The following CNTNAP2 variants were observed in gnomAD, a reference collection of about 807,000 sequenced individuals.
CNTNAP2 encodes the protein contactin-associated protein-like 2.
CNTNAP2 carries 98 observed loss-of-function variants against 155.2 expected under a neutral mutation model. That is an observed-to-expected ratio of 0.63 (90% CI 0.54 to 0.75). The LOEUF is 0.75. Among genes scored for constraint, CNTNAP2 ranks in the 30% least tolerant of loss-of-function variants. The pLI, the probability that CNTNAP2 is intolerant of heterozygous loss-of-function variation, is 0.00. For synonymous variants in CNTNAP2, 651 were observed against 631.2 expected (o/e 1.03, Z -0.47); for missense variants, 1,727 against 1,688.1 (o/e 1.02, Z -0.40).
intron 21 of CNTNAP2, among the ~76,000 whole-genome samples, chr7:148,277,058 C>T (rs1796881638): frequency 6.6e-6 from 1 of 152,152 alleles, no homozygotes; most frequent in Non-Finnish European, 1.5e-5. Flanking sequence ...CTCGAAGAGC[C>T]TTTCCCGTCC....
At chr7:146,332,515 T>A (rs895289821) in intron 1 of CNTNAP2, among the ~76,000 whole-genome samples, 1 of 152,202 alleles carries the variant, frequency 6.6e-6, no homozygotes. Flanking sequence ...ATTTCTGATT[T>A]ATTTATCTAG....
intron 11 of CNTNAP2, among the ~76,000 whole-genome samples, chr7:147,524,338 C>T (rs909870343): frequency 4.6e-5 from 7 of 151,682 alleles, no homozygotes; most frequent in Admixed American, 3.9e-4. Flanking sequence ...TGCGGTGAGC[C>T]GAGATCACAC....
In CNTNAP2 at chr7:147,858,624, G is replaced by A. The variant is rs796885907; in HGVS notation, c.2099-44941G>A. On this transcript the variant is annotated intron_variant, in intron 13 of 23. Transcript: ENST00000361727. The stretch of plus-strand genomic sequence containing the variant: ...GGGAGTTGCAGATGTAATCAAGTTC[G>A]GATGAGGTCATACTGAAGTAAAGTG... 3.9e-5 allele frequency among the ~76,000 whole-genome samples: 6 copies of A among 152,274 alleles called. No homozygotes were observed. The East Asian group carries it at 5.8e-4, about 15-fold the overall frequency.
intron 18 of CNTNAP2, among the ~76,000 whole-genome samples, chr7:148,181,276 GTCTGT>G (rs1795034208): frequency 6.6e-6 from 1 of 152,128 alleles, no homozygotes; most frequent in Non-Finnish European, 1.5e-5. Context: ...TATCTATATA[GTCTGT>G]TGATTATGTC....
intron 20 of CNTNAP2, among the ~76,000 whole-genome samples, chr7:148,236,925 A>G (rs1796050066): frequency 6.6e-6 from 1 of 152,210 alleles, no homozygotes; most frequent in Admixed American, 6.5e-5. Flanking sequence ...GGGTGGTGCT[A>G]AACCGTTCAT....
chr7:147,179,856 GA>G (rs1231569546), intron 8 of CNTNAP2, among the ~76,000 whole-genome samples: 28 of 151,776 alleles, frequency 1.8e-4, no homozygotes, highest in Admixed American at 1.8e-3. Flanking sequence ...AAGTGATCTT[GA>G]GGACAAGAGG....
chr7:147,302,844 T>C (rs906975026), intron 9 of CNTNAP2, among the ~76,000 whole-genome samples: 3 of 152,256 alleles, frequency 2.0e-5, no homozygotes, highest in Non-Finnish European at 2.9e-5. Flanking sequence ...GGACAAGTTA[T>C]GATGCCCATA....
At chr7:148,402,695 G>A (rs965212962) in intron 22 of CNTNAP2, among the ~76,000 whole-genome samples, 1 of 152,162 alleles carries the variant, frequency 6.6e-6, no homozygotes, top group African/African-American at 2.4e-5. Flanking sequence ...CGGACCCACT[G>A]TAAAAATAAT....
chr7:146,288,171 G>A (rs1043773328), intron 1 of CNTNAP2, among the ~76,000 whole-genome samples: 7 of 151,664 alleles, frequency 4.6e-5, no homozygotes, highest in African/African-American at 1.5e-4. Flanking sequence ...GGTGGTGTTT[G>A]CCTGTGTTCC....
chr7:147,308,519 G>T (rs1795070541), intron 9 of CNTNAP2, among the ~76,000 whole-genome samples: 1 of 152,098 alleles, frequency 6.6e-6, no homozygotes, highest in Non-Finnish European at 1.5e-5. Flanking sequence ...TGAGATATGG[G>T]GTGTGAAAGC....
chr7:147,834,512 A>G (rs1344139861), intron 13 of CNTNAP2, among the ~76,000 whole-genome samples: 1 of 152,024 alleles, frequency 6.6e-6, no homozygotes, highest in Non-Finnish European at 1.5e-5. Context: ...TTCTCCTTTT[A>G]TATCTCCTTT....
At chr7:147,366,781 GCACACACACACACACACACA>G (rs71182194) in intron 9 of CNTNAP2, among the ~76,000 whole-genome samples, 2 of 105,854 alleles carry the variant, frequency 1.9e-5, no homozygotes, top group Non-Finnish European at 5.0e-5. Flanking sequence ...TTTGTTGCAC[GCACACACACACACACACACA>G]CACACACACA....
intron 19 of CNTNAP2, among the ~76,000 whole-genome samples, chr7:148,227,453 GCTGA>G (rs1291053354): frequency 3.9e-5 from 6 of 152,158 alleles, no homozygotes; most frequent in Non-Finnish European, 7.3e-5. Context: ...TAAAGAGGAG[GCTGA>G]CTAAGACCCA....
At chr7:146,449,899 A>G (rs752193452) in intron 1 of CNTNAP2, among the ~76,000 whole-genome samples, 1 of 152,120 alleles carries the variant, frequency 6.6e-6, no homozygotes, top group Non-Finnish European at 1.5e-5. Flanking sequence ...GTGAATGAAG[A>G]TTATTTTTAT....
At chr7:146,965,037 G>T (rs1797629650) in intron 3 of CNTNAP2, among the ~76,000 whole-genome samples, 1 of 152,104 alleles carries the variant, frequency 6.6e-6, no homozygotes, top group Admixed American at 6.5e-5. Flanking sequence ...AATCAAAGAA[G>T]CTTATGCATA....
intron 1 of CNTNAP2, among the ~76,000 whole-genome samples, chr7:146,172,098 C>CT (rs200060524): frequency 0.02 from 854 of 42,304 alleles, 5 homozygotes; most frequent in African/African-American, 0.061. Context: ...GAAGTTTCTT[C>CT]TTTTTTTTGT....
At chr7:146,565,324 GA>G (rs1419746917) in intron 1 of CNTNAP2, among the ~76,000 whole-genome samples, 7 of 151,328 alleles carry the variant, frequency 4.6e-5, no homozygotes, top group Non-Finnish European at 8.8e-5. Context: ...CAATTAAAAA[GA>G]AAAAAATAAG....
At position 147,881,663 on chromosome 7, in the gene CNTNAP2, T is replaced by C. The variant is rs531069725; in HGVS notation, c.2099-21902T>C. ...GAATAGTTAGAATAGGAAAACAATG[T>C]TTGTATCTATACATAAAGAAAAAGC... On this transcript the variant is annotated intron_variant, in intron 13 of 23. Transcript: ENST00000361727. 6.6e-5 allele frequency among the ~76,000 whole-genome samples: 10 copies of C among 152,310 alleles called. No homozygotes were observed. In the East Asian group the frequency reaches 7.7e-4, roughly 12 times the overall value.
intron 11 of CNTNAP2, among the ~76,000 whole-genome samples, chr7:147,533,914 G>A (rs186186183): frequency 7.4e-4 from 113 of 152,270 alleles, no homozygotes; most frequent in African/African-American, 2.3e-3. Flanking sequence ...GTATTAAACC[G>A]TTTCATTCTT....
Sources: gnomAD v4.1 joint callset for allele counts (sites outside exome capture counted in the v4.1 genomes callset) on GRCh38, gnomAD v4.1.1 for gene constraint, MANE v1.5 for transcripts, NCBI Gene and HGNC (gene_info 2026-07-23, HGNC 2026-07-21) for gene names.